LPCAT2: variants seen among roughly 807,000 people sequenced by gnomAD.
The protein encoded by LPCAT2 is lysophosphatidylcholine acyltransferase 2.
LPCAT2 carries 58 observed loss-of-function variants against 64.7 expected under a neutral mutation model. The ratio of observed to expected loss-of-function variants is 0.90; its 90% CI spans 0.73 to 1.12. The LOEUF (loss-of-function observed/expected upper bound fraction) is 1.12. Among genes scored for constraint, LPCAT2 ranks in the 50% most tolerant of loss-of-function variants. LPCAT2 has a pLI of 0.00. For missense variants in LPCAT2, 579 were observed against 669.8 expected (o/e 0.86, Z 1.50); for synonymous variants, 252 against 245.3 (o/e 1.03, Z -0.26).
intron 11 of LPCAT2, among the ~76,000 whole-genome samples, chr16:55,568,147 G>T (rs1325481130): frequency 1.7e-4 from 3 of 17,174 alleles, no homozygotes; most frequent in Non-Finnish European, 1.6e-3. Context: ...TGTTTCTTTA[G>T]TAAAAAAAAG....
chr16:55,516,883 C>G (rs1455406305), intron 1 of LPCAT2, among the ~76,000 whole-genome samples: 3 of 152,226 alleles, frequency 2.0e-5, no homozygotes, highest in East Asian at 3.9e-4. Flanking sequence ...GTATGTTAGA[C>G]AGTAAAACAA....
At chr16:55,578,974 T>C in intron 12 of LPCAT2, 135 bp from the exon 13 acceptor site, 1 of 785,156 alleles carries the variant, frequency 1.3e-6, no homozygotes, top group Non-Finnish European at 2.1e-6. Flanking sequence ...GTAGTAGAGA[T>C]GATACTTTCT....
At chr16:55,523,083 G>T (rs1234069632) in intron 1 of LPCAT2, among the ~76,000 whole-genome samples, 1 of 151,464 alleles carries the variant, frequency 6.6e-6, no homozygotes, top group Non-Finnish European at 1.5e-5. Context: ...TTTATATAAG[G>T]AACTCTTGCA....
chr16:55,526,447 T>C (rs1249526179), intron 2 of LPCAT2, among the ~76,000 whole-genome samples: 2 of 152,190 alleles, frequency 1.3e-5, no homozygotes, highest in African/African-American at 4.8e-5. Flanking sequence ...TATAAGGATA[T>C]TTTTGTATTT....
chr16:55,511,763 A>G (rs1284940833), intron 1 of LPCAT2, among the ~76,000 whole-genome samples: 1 of 152,218 alleles, frequency 6.6e-6, no homozygotes, highest in African/African-American at 2.4e-5. Flanking sequence ...ATATTTTGCA[A>G]CTTGTTCAAT....
At position 55,584,174 on chromosome 16, in the gene LPCAT2, A is replaced by G. The variant is rs1287737328; in HGVS notation, c.*1076A>G. 1 of 152,222 alleles carries G rather than the reference A, an allele frequency of 6.6e-6. No individual in the cohort carries two copies. The highest frequency in any genetic ancestry group is 2.4e-5 in the African/African-American group (1 of 41,458). 9.4% of individuals were successfully genotyped at this position (152,222 alleles called of 1,614,324 possible). ...GAGTTGAATTTAATTTGAGTTAGAT[A>G]GTTCAGAATGTAGCACTTGCCCTAT... On this transcript the variant is annotated 3_prime_UTR_variant, in exon 14 of 14. Transcript: ENST00000262134.
At chr16:55,515,295 C>T (rs1962995009) in intron 1 of LPCAT2, among the ~76,000 whole-genome samples, 1 of 152,068 alleles carries the variant, frequency 6.6e-6, no homozygotes, top group South Asian at 2.1e-4. Flanking sequence ...TGACTGATTG[C>T]TCATCAAGAG....
chr16:55,577,591 C>T (rs1963841892), intron 12 of LPCAT2, among the ~76,000 whole-genome samples: 2 of 152,094 alleles, frequency 1.3e-5, no homozygotes, highest in African/African-American at 4.8e-5. Flanking sequence ...CACTTTTGAT[C>T]AGTGCTTATA....
In LPCAT2 at chr16:55,567,178, T is replaced by A. The variant is rs747976727; in HGVS notation, c.1216-7453T>A. Reference sequence around the variant, plus strand: ...AGTGACACGACTGGTAAGCTGGGCTTTGAAGAATTTAAGTATCTGTGGAAC... The same window carrying A: ...AGTGACACGACTGGTAAGCTGGGCTATGAAGAATTTAAGTATCTGTGGAAC... On this transcript the variant is annotated intron_variant, in intron 11 of 13. Transcript: ENST00000262134. 6.2e-7 allele frequency: 1 copy of A among 1,613,738 alleles called. No individual in the cohort carries two copies. Among genetic ancestry groups the A allele is most frequent in the Non-Finnish European group, 8.5e-7 (1 of 1,179,854 alleles).
rs1963932570 is a variant in LPCAT2, at chr16:55,585,294, A to C, written c.*2196A>C. 6.6e-6 allele frequency: 1 copy of C among 152,188 alleles called. No homozygotes were observed. The highest frequency in any genetic ancestry group is 2.4e-5 in the African/African-American group (1 of 41,464). The allele number at this position is 152,188 out of a possible 1,614,324, so 9.4% of individuals were successfully genotyped here. On this transcript the variant is annotated 3_prime_UTR_variant, in exon 14 of 14. Transcript: ENST00000262134. ...ATTTTTGTTTGCATTAAACTTTATG[A>C]AATGTCAGAAATGATTTTACTCTAA...
intron 8 of LPCAT2, chr16:55,539,898 T>C (rs1298383570): frequency 6.6e-6 from 1 of 152,202 alleles, no homozygotes; most frequent in Non-Finnish European, 1.5e-5. Context: ...CAAGATATAT[T>C]ATTCAAGAAT....
intron 1 of LPCAT2, 42 bp downstream of exon 1, chr16:55,509,394 G>T (rs760671375): frequency 7.3e-5 from 90 of 1,238,228 alleles, no homozygotes; most frequent in Non-Finnish European, 7.3e-6. Context: ...TCTGAGGGGG[G>T]CCTAGGTCAG....
intron 7 of LPCAT2, 69 bp from the exon 8 acceptor site, chr16:55,537,509 G>C: frequency 8.1e-7 from 1 of 1,240,770 alleles, no homozygotes; most frequent in Non-Finnish European, 1.2e-6. Flanking sequence ...ATAAAGAAAT[G>C]ATTGTTGAAT....
At chr16:55,576,919 C>T (rs1345723075) in intron 12 of LPCAT2, among the ~76,000 whole-genome samples, 2 of 152,056 alleles carry the variant, frequency 1.3e-5, no homozygotes, top group African/African-American at 4.8e-5. Context: ...GTAAAAGGAG[C>T]TTATACAGAA....
intron 8 of LPCAT2, 116 bp downstream of exon 8, chr16:55,537,748 T>G: frequency 3.7e-6 from 3 of 807,874 alleles, no homozygotes; most frequent in Non-Finnish European, 6.1e-6. Flanking sequence ...TTACAAATTG[T>G]GTATATAAAC....
At chr16:55,549,169 A>G in intron 9 of LPCAT2, 108 bp from the exon 10 acceptor site, 1 of 836,840 alleles carries the variant, frequency 1.2e-6, no homozygotes, top group South Asian at 1.8e-5. Flanking sequence ...AAAAAGTAGT[A>G]AATACTTTTT....
chr16:55,546,693 A>C (rs1326542645), intron 9 of LPCAT2, among the ~76,000 whole-genome samples: 3 of 152,212 alleles, frequency 2.0e-5, no homozygotes, highest in African/African-American at 7.2e-5. Flanking sequence ...AATAGAATAA[A>C]TGTTTGGCAA....
chr16:55,562,205 A>G (rs1284480253), intron 11 of LPCAT2, among the ~76,000 whole-genome samples: 7 of 151,882 alleles, frequency 4.6e-5, no homozygotes, highest in Admixed American at 3.3e-4. Context: ...ATCTCATTGT[A>G]CTATTCACCA....
At chr16:55,582,860 A>C in intron 13 of LPCAT2, 54 bp from the exon 14 acceptor site, 1 of 1,194,960 alleles carries the variant, frequency 8.4e-7, no homozygotes. Context: ...AATCTGCATC[A>C]TGCCAAAAGA....
Sources: allele counts gnomAD v4.1 joint callset (sites outside exome capture counted in the v4.1 genomes callset), GRCh38; gene constraint gnomAD v4.1.1; transcripts MANE v1.5; gene names NCBI Gene and HGNC (gene_info 2026-07-23, HGNC 2026-07-21).